Variants in APBA2 observed in about 807,000 individuals in gnomAD.
The protein encoded by APBA2 is amyloid beta precursor protein binding family A member 2.
Under a neutral mutation model 75.0 loss-of-function variants are expected in APBA2, and 30 were observed. The observed-to-expected ratio is 0.40, with a 90% confidence interval of 0.30 to 0.54. The LOEUF (loss-of-function observed/expected upper bound fraction) is 0.54, where lower values mean the gene tolerates loss of function less well. Among genes scored for constraint, APBA2 ranks in the 20% least tolerant of loss-of-function variants. The pLI is 0.49. For synonymous variants in APBA2, 444 were observed against 409.6 expected (o/e 1.08, Z -1.01); for missense variants, 801 against 1,016.1 (o/e 0.79, Z 2.88).
intron 4 of APBA2, among the ~76,000 whole-genome samples, chr15:29,065,003 TAGTG>T (rs759625763): frequency 2.7e-5 from 4 of 147,996 alleles, no homozygotes; most frequent in East Asian, 2.0e-4. Flanking sequence ...GAGGTGCTCA[TAGTG>T]TGTGTGTGTG....
chr15:29,042,380 C>G (rs139820275), intron 3 of APBA2, among the ~76,000 whole-genome samples: 1 of 152,122 alleles, frequency 6.6e-6, no homozygotes, highest in Non-Finnish European at 1.5e-5. Context: ...TTAAGAGAGT[C>G]TCCTGCCTCA....
At chr15:28,948,460 T>C (rs2035668824) in intron 2 of APBA2, among the ~76,000 whole-genome samples, 1 of 152,142 alleles carries the variant, frequency 6.6e-6, no homozygotes, top group African/African-American at 2.4e-5. Flanking sequence ...GACTGACATG[T>C]TAGCTCTCTG....
chr15:28,922,708 A>AGCTG (rs1315477792), intron 2 of APBA2, among the ~76,000 whole-genome samples: 2 of 152,120 alleles, frequency 1.3e-5, no homozygotes, highest in African/African-American at 4.8e-5. Context: ...TGTTCCCAGG[A>AGCTG]GCTGGCTCAG....
intron 3 of APBA2, among the ~76,000 whole-genome samples, chr15:28,997,564 T>A (rs1029270079): frequency 6.6e-6 from 1 of 152,306 alleles, no homozygotes; most frequent in East Asian, 1.9e-4. Context: ...AGCTCATGAT[T>A]CCATAAAATT....
chr15:29,108,788 T>C (rs2152975925), intron 13 of APBA2, among the ~76,000 whole-genome samples: 1 of 152,366 alleles, frequency 6.6e-6, no homozygotes, highest in African/African-American at 2.4e-5. Flanking sequence ...ATTCGCTTGT[T>C]CACTCAGCCA....
At chr15:29,097,198 A>G (rs2043890016) in intron 8 of APBA2, among the ~76,000 whole-genome samples, 1 of 152,238 alleles carries the variant, frequency 6.6e-6, no homozygotes, top group Non-Finnish European at 1.5e-5. Flanking sequence ...TTCTCTGACA[A>G]TGTCTTCCCC....
intron 3 of APBA2, among the ~76,000 whole-genome samples, chr15:29,019,951 C>T (rs1181656984): frequency 6.6e-6 from 1 of 152,224 alleles, no homozygotes; most frequent in Non-Finnish European, 1.5e-5. Flanking sequence ...GTCATCAGTT[C>T]CCGACATTAT....
intron 2 of APBA2, among the ~76,000 whole-genome samples, chr15:28,958,911 G>A (rs1377257564): frequency 6.6e-6 from 1 of 151,548 alleles, no homozygotes; most frequent in Non-Finnish European, 1.5e-5. Context: ...TACTGCTTTG[G>A]TGGTTCAGTA....
intron 2 of APBA2, among the ~76,000 whole-genome samples, chr15:28,955,721 C>A (rs16954833): frequency 0.26 from 39,699 of 152,196 alleles, 9,525 homozygotes; most frequent in African/African-American, 0.62. Flanking sequence ...GAGTGATTTG[C>A]ATTAGAAAGG....
intron 4 of APBA2, among the ~76,000 whole-genome samples, chr15:29,073,609 C>T (rs2042719951): frequency 6.6e-6 from 1 of 152,228 alleles, no homozygotes; most frequent in African/African-American, 2.4e-5. Context: ...GCCTTGGCCT[C>T]CCAAAGTACT....
At chr15:29,027,022 C>T (rs2040256243) in intron 3 of APBA2, among the ~76,000 whole-genome samples, 2 of 152,218 alleles carry the variant, frequency 1.3e-5, no homozygotes, top group African/African-American at 2.4e-5. Flanking sequence ...ATGATACATT[C>T]TCAGGGTGTG....
At chr15:29,075,943 G>A in intron 5 of APBA2, 112 bp from the exon 6 acceptor site, 1 of 929,126 alleles carries the variant, frequency 1.1e-6, no homozygotes, top group Non-Finnish European at 1.8e-6. Context: ...ATCACTCATG[G>A]GGGGTTTGCT....
chr15:29,094,810 A>G (rs953616808), intron 8 of APBA2, among the ~76,000 whole-genome samples: 6 of 152,082 alleles, frequency 3.9e-5, no homozygotes, highest in Non-Finnish European at 5.9e-5. Flanking sequence ...ATGTAATCCC[A>G]GCACTTTGGG....
At chr15:28,947,883 C>T (rs1420474649) in intron 2 of APBA2, among the ~76,000 whole-genome samples, 1 of 152,102 alleles carries the variant, frequency 6.6e-6, no homozygotes, top group Admixed American at 6.5e-5. Context: ...ACTAATGTCT[C>T]TGCTTCAAGA....
rs531773734 is a variant in APBA2, at chr15:28,963,586, C to T, written c.-94-32167C>T. 3.3e-5 allele frequency among the ~76,000 whole-genome samples: 5 copies of T among 152,320 alleles called. No homozygotes were observed. The South Asian group carries it at 8.3e-4, about 25-fold the overall frequency. ...GTGGGTGAGAAAGCCGGCCACAGTC[C>T]ACTAAACACGGGCTATGACCAAGGT... On this transcript the variant is annotated intron_variant, in intron 2 of 14. Coordinates refer to ENST00000683413, the MANE Select transcript of APBA2 (RefSeq NM_001353788.2).
Position 29,117,323 on chromosome 15 carries a change from A to G in APBA2, c.*190A>G, listed in dbSNP as rs1381455050. 2 of 609,788 alleles carry G rather than the reference A, an allele frequency of 3.3e-6. No homozygotes were observed. The highest frequency in any genetic ancestry group is 5.8e-6 in the Non-Finnish European group (2 of 342,686). The allele number at this position is 609,788 out of a possible 1,614,324, so 37.8% of individuals were successfully genotyped here. A position where few individuals can be genotyped will look rare whatever the true frequency, so the allele number is the denominator to read the frequency against. ...CCAAAAAGGGGTATGTCTTTATCAA[A>G]GGAGAGTCACAGAACAAATGTTTGT... On this transcript the variant is annotated 3_prime_UTR_variant, in exon 15 of 15. Transcript: ENST00000683413.
chr15:29,072,803 G>T (rs1167291162), intron 4 of APBA2, among the ~76,000 whole-genome samples: 1 of 152,152 alleles, frequency 6.6e-6, no homozygotes, highest in Non-Finnish European at 1.5e-5. Context: ...GGGCTCAGGG[G>T]TAGGGGCAGC....
intron 3 of APBA2, among the ~76,000 whole-genome samples, chr15:29,032,794 G>T (rs770121886): frequency 6.6e-6 from 1 of 152,092 alleles, no homozygotes; most frequent in Non-Finnish European, 1.5e-5. Context: ...ATCTCATTGG[G>T]TTCTGTGCCT....
rs2040122445 is a variant in APBA2 at position 29,024,590 on chromosome 15, G to A, written c.-41+28784G>A. The stretch of plus-strand genomic sequence containing the variant: ...TTCAGCGTTCGTCTGATTGCTTTCT[G>A]GGCTAGCATTTAACTTTTCTCTCTA... On this transcript the variant is annotated intron_variant, in intron 3 of 14. Coordinates refer to ENST00000683413, the MANE Select transcript of APBA2 (RefSeq NM_001353788.2). 2.0e-5 allele frequency among the ~76,000 whole-genome samples: 3 copies of A among 152,186 alleles called. No homozygotes were observed. The South Asian group carries it at 6.2e-4, about 32-fold the overall frequency.
Sources: allele counts gnomAD v4.1 joint callset (sites outside exome capture counted in the v4.1 genomes callset), GRCh38; gene constraint gnomAD v4.1.1; transcripts MANE v1.5; gene names NCBI Gene and HGNC (gene_info 2026-07-23, HGNC 2026-07-21).